Variants in KIF5C observed in about 807,000 individuals in gnomAD.
KIF5C encodes the protein kinesin family member 5C, also known as kinesin heavy chain isoform 5C.
In KIF5C, 18 loss-of-function variants were observed where a neutral mutation model predicts 125.2. That is an observed-to-expected ratio of 0.14 (90% confidence interval 0.10 to 0.21). The LOEUF (loss-of-function observed/expected upper bound fraction) is 0.21, where lower values mean the gene tolerates loss of function less well. Among genes scored for constraint, KIF5C ranks in the 10% least tolerant of loss-of-function variants. KIF5C has a pLI of 1.00. For synonymous variants in KIF5C, 405 were observed against 434.0 expected (o/e 0.93, Z 0.83); for missense variants, 780 against 1,183.8 (o/e 0.66, Z 5.01).
intron 3 of KIF5C, among the ~76,000 whole-genome samples, chr2:148,933,468 A>T (rs1364918307): frequency 2.0e-5 from 3 of 151,344 alleles, no homozygotes; most frequent in African/African-American, 7.3e-5. Flanking sequence ...CATACATCGT[A>T]AACACACACA....
At chr2:148,890,740 G>C (rs1221419558) in intron 1 of KIF5C, among the ~76,000 whole-genome samples, 1 of 152,172 alleles carries the variant, frequency 6.6e-6, no homozygotes, top group Non-Finnish European at 1.5e-5. Context: ...TAAATGTTGT[G>C]TCTTTTGACC....
rs1381300234 is a variant in KIF5C at position 148,941,883 on chromosome 2, A to C, written c.446-52A>C. On this transcript the variant is annotated intron_variant, in intron 5 of 25. Transcript: ENST00000435030. ...AACTTCCATTTTTCCTCCAATATAGAGTCTTTAACTTTTATTTTCTTCTTT... is the reference window on the plus strand; with the variant it reads ...AACTTCCATTTTTCCTCCAATATAGCGTCTTTAACTTTTATTTTCTTCTTT... 4.4e-6 allele frequency: 7 copies of C among 1,587,634 alleles called. No homozygotes were observed. In the East Asian group the frequency reaches 1.6e-4, roughly 36 times the overall value.
intron 2 of KIF5C, among the ~76,000 whole-genome samples, chr2:148,922,656 CAGCAAGAAGCCTTAAAT>C (rs1681834903): frequency 6.6e-6 from 1 of 152,218 alleles, no homozygotes; most frequent in Admixed American, 6.5e-5. Flanking sequence ...TAATATCTCT[CAGCAAGAAGCCTTAAAT>C]ATGGAAAATT....
rs1301631093 is a variant in KIF5C, at chr2:149,023,776, T to C, written c.*706T>C. 6.6e-6 allele frequency: 1 copy of C among 152,252 alleles called. No individual in the cohort carries two copies. The highest frequency in any genetic ancestry group is 1.5e-5 in the Non-Finnish European group (1 of 68,044). 9.4% of individuals were successfully genotyped at this position (152,252 alleles called of 1,614,324 possible). A position where few individuals can be genotyped will look rare whatever the true frequency, so the allele number is the denominator to read the frequency against. ...GTCATAAAATTCACCTCCGAGCTGC[T>C]TGCTTTTGAACCTGCAGCAACTAGT... On this transcript the variant is annotated 3_prime_UTR_variant, in exon 26 of 26. Coordinates refer to ENST00000435030, the MANE Select transcript of KIF5C (RefSeq NM_004522.3).
chr2:148,993,578 G>A (rs1420543362), intron 16 of KIF5C, among the ~76,000 whole-genome samples: 1 of 152,162 alleles, frequency 6.6e-6, no homozygotes, highest in African/African-American at 2.4e-5. Flanking sequence ...GTGCTTATAA[G>A]ATGACTGTTC....
rs1682193983 is a variant in KIF5C at position 149,011,491 on chromosome 2, G to A, written c.2768-79G>A. 3 of 1,559,022 alleles carry A rather than the reference G, an allele frequency of 1.9e-6. No homozygotes were observed. The African/African-American group carries it at 4.1e-5, about 21-fold the overall frequency. ...AGAATTGTGACTTTTAGTTGTCACA[G>A]GTGACCTGTAGATATCAGGGTTGCT... On this transcript the variant is annotated intron_variant, in intron 24 of 25. Coordinates refer to ENST00000435030, the MANE Select transcript of KIF5C (RefSeq NM_004522.3).
chr2:149,001,396 G>A (rs1327608670), intron 21 of KIF5C, among the ~76,000 whole-genome samples: 1 of 152,128 alleles, frequency 6.6e-6, no homozygotes, highest in African/African-American at 2.4e-5. Context: ...GATAAGCCCG[G>A]GACTGTCCTG....
chr2:148,877,945 C>G (rs530454368), intron 1 of KIF5C: 9 of 152,148 alleles, frequency 5.9e-5, no homozygotes, highest in African/African-American at 2.2e-4. Context: ...AAATTAAAAC[C>G]AAGTCACCAT....
intron 1 of KIF5C, among the ~76,000 whole-genome samples, chr2:148,901,549 A>C (rs1680903220): frequency 6.6e-6 from 1 of 152,262 alleles, no homozygotes; most frequent in African/African-American, 2.4e-5. Flanking sequence ...GAAAATAAAA[A>C]AAGAAAGCAA....
In KIF5C at chr2:148,924,378, C is replaced by T. The variant is rs1292397819; in HGVS notation, c.217+2151C>T. Among the ~76,000 whole-genome samples the T allele has an allele frequency of 1.3e-5, 2 of 152,158 alleles. No individual in the cohort carries two copies. Among genetic ancestry groups the T allele is most frequent in the African/African-American group, 4.8e-5 (2 of 41,424 alleles). On this transcript the variant is annotated intron_variant, in intron 2 of 25. Transcript: ENST00000435030. The surrounding 1 kb of genome is among the most constrained non-coding windows in gnomAD (Gnocchi z 4.0). ...ATAATGGGTGGACCAAGGAGCATTC[C>T]TTTCAAGTCCATCTAAACTCTTAAT...
intron 21 of KIF5C, among the ~76,000 whole-genome samples, chr2:149,001,813 T>G (rs1481384277): frequency 6.6e-6 from 1 of 152,254 alleles, no homozygotes; most frequent in Non-Finnish European, 1.5e-5. Context: ...TCATCCATTT[T>G]GGCTCCGTTC....
intron 15 of KIF5C, among the ~76,000 whole-genome samples, chr2:148,987,187 C>T (rs568124880): frequency 2.2e-4 from 34 of 152,254 alleles, no homozygotes; most frequent in Admixed American, 8.5e-4. Context: ...CAACAGGTTA[C>T]AGGAGGAGCT....
chr2:148,994,610 A>G (rs2105177426), intron 17 of KIF5C, 72 bp downstream of exon 17: 4 of 1,506,402 alleles, frequency 2.7e-6, no homozygotes, highest in Non-Finnish European at 3.6e-6. Context: ...GGCTGGAATC[A>G]TGATGTTTAG....
At position 148,962,136 on chromosome 2, in the gene KIF5C, AG is replaced by A; in HGVS notation, c.1117+19del. ...GGAGGAATGGTAAGGAAAAGTAAGG[AG>A]GAAGAGTGAGGCATGAGTGTGTGCT... On this transcript the variant is annotated intron_variant, in intron 11 of 25. Transcript: ENST00000435030. The A allele has an allele frequency of 6.3e-7, 1 of 1,587,048 alleles. No homozygotes were observed. The highest frequency in any genetic ancestry group is 8.6e-7 in the Non-Finnish European group (1 of 1,167,012).
In KIF5C at chr2:148,876,628, C is replaced by T. The variant is rs1681200924; in HGVS notation, c.126+885C>T. 6.6e-6 allele frequency among the ~76,000 whole-genome samples: 1 copy of T among 152,178 alleles called. No individual in the cohort carries two copies. Among genetic ancestry groups the T allele is most frequent in the African/African-American group, 2.4e-5 (1 of 41,458 alleles). ...CACCTTTTCTCCCCCACCCCCTCCC[C>T]CTACTTAGCTCCCTCTCTGCAGCTG... On this transcript the variant is annotated intron_variant, in intron 1 of 25. Coordinates refer to ENST00000435030, the MANE Select transcript of KIF5C (RefSeq NM_004522.3). The surrounding 1 kb of genome is among the most constrained non-coding windows in gnomAD (Gnocchi z 4.7).
chr2:149,006,425 G>T (rs148428999), intron 22 of KIF5C, among the ~76,000 whole-genome samples: 1 of 152,306 alleles, frequency 6.6e-6, no homozygotes, highest in Non-Finnish European at 1.5e-5. Context: ...CGGGTGGAAA[G>T]AAGTCACATT....
At chr2:149,001,188 TG>T (rs1409531846) in intron 21 of KIF5C, among the ~76,000 whole-genome samples, 2 of 152,204 alleles carry the variant, frequency 1.3e-5, no homozygotes, top group Non-Finnish European at 2.9e-5. Context: ...CCTTTAGCTG[TG>T]GGAGACGATA....
intron 4 of KIF5C, among the ~76,000 whole-genome samples, chr2:148,937,919 CTT>C (rs1162519591): frequency 6.6e-6 from 1 of 152,202 alleles, no homozygotes; most frequent in African/African-American, 2.4e-5. Flanking sequence ...GTATCACAGA[CTT>C]GTGTTTTGAG....
At chr2:148,942,438 A>G (rs1161176538) in intron 6 of KIF5C, among the ~76,000 whole-genome samples, 1 of 152,188 alleles carries the variant, frequency 6.6e-6, no homozygotes, top group East Asian at 1.9e-4. Flanking sequence ...TCAAAAACCT[A>G]GGAAAATTTG....
Sources: allele counts gnomAD v4.1 joint callset (sites outside exome capture counted in the v4.1 genomes callset), GRCh38; gene constraint gnomAD v4.1.1; non-coding constraint Gnocchi (gnomAD v3.1); transcripts MANE v1.5; gene names NCBI Gene and HGNC (gene_info 2026-07-23, HGNC 2026-07-21).